KLRF2: variants seen among roughly 807,000 people sequenced by gnomAD.
The protein encoded by KLRF2 is killer cell lectin like receptor F2.
In KLRF2, 28 loss-of-function variants were observed where a neutral mutation model predicts 25.3. The ratio of observed to expected loss-of-function variants is 1.11; its 90% CI spans 0.82 to 1.52. KLRF2 has a LOEUF of 1.52. KLRF2 is among the 40% of genes most tolerant of loss of function. The probability of loss-of-function intolerance (pLI) is 0.00; values close to 1 mark genes in which losing one functional copy is unlikely to be tolerated. For synonymous variants in KLRF2, 73 were observed against 85.0 expected (o/e 0.86, Z 0.78); for missense variants, 265 against 245.8 (o/e 1.08, Z -0.52).
chr12:9,883,170 G>A (rs1868112791), intron 1 of KLRF2, among the ~76,000 whole-genome samples: 1 of 152,164 alleles, frequency 6.6e-6, no homozygotes, highest in Non-Finnish European at 1.5e-5. Context: ...CTTACCAGTT[G>A]TTCAGTTCAC....
intron 2 of KLRF2, 135 bp from the exon 3 acceptor site, chr12:9,888,598 T>A: frequency 4.0e-6 from 2 of 503,410 alleles, no homozygotes; most frequent in Non-Finnish European, 7.1e-6. Flanking sequence ...AGAAGAGGAG[T>A]GGATGCATAG....
chr12:9,889,061 T>TTTATCGAGCATCCACTGATAG (rs1862640468), intron 3 of KLRF2, among the ~76,000 whole-genome samples: 1 of 152,186 alleles, frequency 6.6e-6, no homozygotes. Context: ...TTGCCAAATA[T>TTTATCGAGCATCCACTGATAG]TTATCGAGCA....
intron 2 of KLRF2, among the ~76,000 whole-genome samples, chr12:9,885,713 A>G (rs1290804404): frequency 6.6e-6 from 1 of 152,002 alleles, no homozygotes; most frequent in Non-Finnish European, 1.5e-5. Flanking sequence ...CTTTTCTCAG[A>G]CCAAAGATAT....
At chr12:9,885,729 A>C (rs929047041) in intron 2 of KLRF2, among the ~76,000 whole-genome samples, 1 of 152,048 alleles carries the variant, frequency 6.6e-6, no homozygotes, top group Non-Finnish European at 1.5e-5. Flanking sequence ...GATATATCCT[A>C]CTTAATGTAT....
chr12:9,883,242 A>T (rs2136993035), intron 1 of KLRF2, among the ~76,000 whole-genome samples: 1 of 152,332 alleles, frequency 6.6e-6, no homozygotes, highest in Admixed American at 6.5e-5. Flanking sequence ...CTTGATCCTA[A>T]ATCAGAAAAA....
chr12:9,891,998 AAG>A (rs1862682560), intron 3 of KLRF2, among the ~76,000 whole-genome samples: 2 of 152,242 alleles, frequency 1.3e-5, no homozygotes, highest in African/African-American at 4.8e-5. Flanking sequence ...ACTAAATGAT[AAG>A]AGAGTCAAAG....
At chr12:9,894,405 A>G (rs977257119) in intron 5 of KLRF2, among the ~76,000 whole-genome samples, 2 of 151,202 alleles carry the variant, frequency 1.3e-5, no homozygotes, top group Non-Finnish European at 3.0e-5. Flanking sequence ...CTGGTCTCCA[A>G]CTCCTGAGCT....
chr12:9,891,905 A>ATGAAAATATGACATGTTTTAACT (rs1300908033), intron 3 of KLRF2, among the ~76,000 whole-genome samples: 1 of 152,228 alleles, frequency 6.6e-6, no homozygotes, highest in Non-Finnish European at 1.5e-5. Context: ...TAAAATATTA[A>ATGAAAATATGACATGTTTTAACT]TGAAAATATG....
chr12:9,881,678 C>T lies in KLRF2; in HGVS notation c.70+13C>T. ...CAGAAATCTAAAGGTAGGAATACTGCTCCCCATCACCGCATTTAAAATTTC... is the reference window on the plus strand; with the variant it reads ...CAGAAATCTAAAGGTAGGAATACTGTTCCCCATCACCGCATTTAAAATTTC... On this transcript the variant is annotated intron_variant, in intron 1 of 5. Transcript: ENST00000535540. 1.3e-6 allele frequency: 2 copies of T among 1,520,458 alleles called. No individual in the cohort carries two copies. The highest frequency in any genetic ancestry group is 1.8e-6 in the Non-Finnish European group (2 of 1,133,620). 94.2% of individuals were successfully genotyped at this position (1,520,458 alleles called of 1,614,324 possible).
Position 9,893,061 on chromosome 12 carries a change from G to T in KLRF2, c.259G>T (p.Gly87Trp). The T allele has an allele frequency of 1.3e-6, 2 of 1,535,826 alleles. No homozygotes were observed. Among genetic ancestry groups the T allele is most frequent in the Non-Finnish European group, 1.7e-6 (2 of 1,146,702 alleles). The change falls in exon 4 of 6, where the codon GGG becomes TGG. Residue 87 changes from glycine to tryptophan, a missense_variant. Coordinates refer to ENST00000535540, the MANE Select transcript of KLRF2 (RefSeq NM_001190765.1). ...CCCAAATGACTGGCTGTTGAACGAA[G>T]GGAAATGTTACTGGTTTTCAACTTC... ...LCPNDWLLNE[G>W]KCYWFSTSFK...
chr12:9,882,257 G>A (rs1353238191), intron 1 of KLRF2, among the ~76,000 whole-genome samples: 1 of 123,082 alleles, frequency 8.1e-6, no homozygotes, highest in African/African-American at 3.6e-5. Context: ...AGAATTACCA[G>A]TCGCAGTGGC....
chr12:9,890,706 G>A (rs1243080575), intron 3 of KLRF2, among the ~76,000 whole-genome samples: 3 of 152,074 alleles, frequency 2.0e-5, no homozygotes, highest in Non-Finnish European at 4.4e-5. Context: ...CAACAGATGG[G>A]GACTCTTCTT....
At position 9,893,169 on chromosome 12, in the gene KLRF2, G is replaced by C. The variant is rs1862706281; in HGVS notation, c.366+1G>C. The C allele has an allele frequency of 1.3e-6, 2 of 1,529,308 alleles. No individual in the cohort carries two copies. The highest frequency in any genetic ancestry group is 1.8e-6 in the Non-Finnish European group (2 of 1,142,434). 94.7% of individuals were successfully genotyped at this position (1,529,308 alleles called of 1,614,324 possible). On this transcript the variant is annotated splice_donor_variant, in intron 4 of 5. Coordinates refer to ENST00000535540, the MANE Select transcript of KLRF2 (RefSeq NM_001190765.1). LOFTEE classifies it high-confidence loss of function. Reference sequence around the variant, plus strand: ...GGTGATTCAAAATTTGGATGAGCTGGTGAGAAATCAAAAACAGGATCTAAC... The same window carrying C: ...GGTGATTCAAAATTTGGATGAGCTGCTGAGAAATCAAAAACAGGATCTAAC...
chr12:9,882,781 T>TA (rs1868108484), intron 1 of KLRF2, among the ~76,000 whole-genome samples: 1 of 94,326 alleles, frequency 1.1e-5, no homozygotes, highest in Admixed American at 1.2e-4. Flanking sequence ...ACTCCATATA[T>TA]AAAAAAACAA....
Position 9,884,985 on chromosome 12 carries a change from T to C in KLRF2, c.122T>C (p.Ile41Thr), listed in dbSNP as rs760153471. 7.4e-7 allele frequency: 1 copy of C among 1,346,994 alleles called. No homozygotes were observed. Among genetic ancestry groups the C allele is most frequent in the Non-Finnish European group, 9.6e-7 (1 of 1,044,120 alleles). The allele number at this position is 1,346,994 out of a possible 1,614,324, so 83.4% of individuals were successfully genotyped here. A position where few individuals can be genotyped will look rare whatever the true frequency, so the allele number is the denominator to read the frequency against. Residue 41 changes from isoleucine to threonine, a missense_variant, in exon 2 of 6, where the codon ATT becomes ACT. Ile to Thr is a moderately conservative substitution (Grantham distance 89, BLOSUM62 -1). Coordinates refer to ENST00000535540, the MANE Select transcript of KLRF2 (RefSeq NM_001190765.1). ...TGTCTTCTGCTCATATTTGGATGCA[T>C]TGTGATCCTTATATTCATTATGACA... ...YYCLLLIFGC[I>T]VILIFIMTGI...
At chr12:9,883,879 T>A (rs1333901682) in intron 1 of KLRF2, among the ~76,000 whole-genome samples, 2 of 152,166 alleles carry the variant, frequency 1.3e-5, no homozygotes, top group Non-Finnish European at 2.9e-5. Flanking sequence ...AACAGCACTT[T>A]TATTATGACT....
intron 2 of KLRF2, among the ~76,000 whole-genome samples, chr12:9,885,696 T>A (rs1862586488): frequency 6.6e-6 from 1 of 151,944 alleles, no homozygotes; most frequent in Non-Finnish European, 1.5e-5. Context: ...CAAGGGAAAA[T>A]ATCAGACTTT....
intron 2 of KLRF2, among the ~76,000 whole-genome samples, chr12:9,888,095 T>A (rs1404658819): frequency 5.3e-3 from 393 of 73,470 alleles, no homozygotes; most frequent in Middle Eastern, 8.2e-3. Context: ...GTAATAAAAA[T>A]GAAAAAAAAA....
Position 9,887,128 on chromosome 12 carries a change from G to GA in KLRF2, c.170-1598dup, listed in dbSNP as rs371722472. On this transcript the variant is annotated intron_variant, in intron 2 of 5. Coordinates refer to ENST00000535540, the MANE Select transcript of KLRF2 (RefSeq NM_001190765.1). Reference sequence around the variant, plus strand: ...AAGCTTCCAGAAGAAGAAAATAGGTGAAAAAAAGTAGATATAAAATAATGA... The same window carrying GA: ...AAGCTTCCAGAAGAAGAAAATAGGTGAAAAAAAAGTAGATATAAAATAATGA... Among the ~76,000 whole-genome samples, 190 of 151,948 alleles carry GA rather than the reference G, an allele frequency of 1.3e-3. 2 individuals carry two copies. Among genetic ancestry groups the GA allele is most frequent in the African/African-American group, 3.6e-3 (151 of 41,468 alleles).
Sources: gnomAD v4.1 joint callset for allele counts (sites outside exome capture counted in the v4.1 genomes callset) on GRCh38, gnomAD v4.1.1 for gene constraint, MANE v1.5 for transcripts, NCBI Gene and HGNC (gene_info 2026-07-23, HGNC 2026-07-21) for gene names.